KLF7: variants seen among roughly 807,000 people sequenced by gnomAD.
KLF7 encodes Krueppel-like factor 7.
KLF7 carries 2 observed loss-of-function variants against 27.3 expected under a neutral mutation model. The observed-to-expected ratio is 0.07, with a 90% CI of 0.03 to 0.23. The LOEUF (loss-of-function observed/expected upper bound fraction) is 0.23, where lower values mean the gene tolerates loss of function less well. Ranked by LOEUF, KLF7 falls within the 10% of genes least tolerant of loss-of-function variation. KLF7 has a pLI of 1.00. For synonymous variants in KLF7, 165 were observed against 162.4 expected, an observed-to-expected ratio of 1.02 and a Z score of -0.12; for missense variants, 221 against 394.1, an observed-to-expected ratio of 0.56 and a Z score of 3.72.
upstream of KLF7, among the ~76,000 whole-genome samples, chr2:207,169,154 T>C (rs960332335): frequency 6.6e-6 from 1 of 152,196 alleles, no homozygotes; most frequent in Non-Finnish European, 1.5e-5. Context: ...CTCCAAAATC[T>C]GTCTTCTCCA....
intron 1 of KLF7, among the ~76,000 whole-genome samples, chr2:207,145,893 G>T (rs1470615272): frequency 6.6e-6 from 1 of 152,170 alleles, no homozygotes; most frequent in South Asian, 2.1e-4. Flanking sequence ...GAAGGGTGGA[G>T]AAATTAAGTG....
At position 207,104,368 on chromosome 2, in the gene KLF7, G is replaced by A. The variant is rs1048119111; in HGVS notation, c.734-15787C>T. 5.9e-5 allele frequency among the ~76,000 whole-genome samples: 9 copies of A among 152,174 alleles called. No homozygotes were observed. The East Asian group carries it at 9.7e-4, about 16-fold the overall frequency. Reference sequence around the variant, plus strand: ...AGGGGAAAGGTACAAAATGTTATACGTAAACAAACTAGACAATACATGCAT... The same window carrying A: ...AGGGGAAAGGTACAAAATGTTATACATAAACAAACTAGACAATACATGCAT... On this transcript the variant is annotated intron_variant, in intron 2 of 3. Transcript: ENST00000309446.
chr2:207,139,030 T>C (rs1413742569), intron 1 of KLF7, among the ~76,000 whole-genome samples: 3 of 152,190 alleles, frequency 2.0e-5, no homozygotes, highest in Non-Finnish European at 2.9e-5. Flanking sequence ...AATGAGAGGA[T>C]CCTTTTTGCG....
intron 2 of KLF7, among the ~76,000 whole-genome samples, chr2:207,095,826 C>G (rs540984132): frequency 6.6e-6 from 1 of 152,114 alleles, no homozygotes; most frequent in Non-Finnish European, 1.5e-5. Flanking sequence ...TCACTAATAA[C>G]TGTTTAAATA....
intron 1 of KLF7, among the ~76,000 whole-genome samples, chr2:207,154,309 A>C (rs2078322511): frequency 6.6e-6 from 1 of 152,206 alleles, no homozygotes; most frequent in Non-Finnish European, 1.5e-5. Flanking sequence ...TCTTAAAAAA[A>C]ATAACTGCAT....
intron 1 of KLF7, among the ~76,000 whole-genome samples, chr2:207,140,197 A>G (rs1440278368): frequency 1.3e-5 from 2 of 152,146 alleles, no homozygotes; most frequent in African/African-American, 4.8e-5. Context: ...TGTTTTTTTA[A>G]GATTTGAATT....
At chr2:207,155,707 C>G (rs911145178) in intron 1 of KLF7, among the ~76,000 whole-genome samples, 4 of 152,184 alleles carry the variant, frequency 2.6e-5, no homozygotes, top group African/African-American at 9.7e-5. Context: ...TGACCTTAAG[C>G]AGCATCTCAT....
At chr2:207,166,955 C>CG, upstream of KLF7, 1 of 882,074 alleles carries the variant, frequency 1.1e-6, no homozygotes, top group Non-Finnish European at 1.4e-6. Flanking sequence ...CCGCCGCCGC[C>CG]CTCCCTCCCG....
intron 2 of KLF7, among the ~76,000 whole-genome samples, chr2:207,095,819 CTAA>C (rs1443221778): frequency 1.3e-5 from 2 of 152,040 alleles, no homozygotes; most frequent in African/African-American, 4.8e-5. Flanking sequence ...ATATTTCTCA[CTAA>C]TAACTGTTTA....
chr2:207,163,510 C>A (rs2078609292), intron 1 of KLF7, among the ~76,000 whole-genome samples: 1 of 152,198 alleles, frequency 6.6e-6, no homozygotes. Flanking sequence ...TGTTTCTTTG[C>A]AGATCTAGAG....
rs1439083399 is a variant in KLF7, at chr2:207,076,417, C to A, written c.*4796G>T. 1 of 152,118 alleles carries A rather than the reference C, an allele frequency of 6.6e-6. No individual in the cohort carries two copies. Among genetic ancestry groups the A allele is most frequent in the Non-Finnish European group, 1.5e-5 (1 of 68,030 alleles). The allele number at this position is 152,118 out of a possible 1,614,324, so 9.4% of individuals were successfully genotyped here. A position where few individuals can be genotyped will look rare whatever the true frequency, so the allele number is the denominator to read the frequency against. ...GTTTTTGACACCTGTTTCCCGAGGA[C>A]TTTTATGTTAAATGCAAAACACCTG... On this transcript the variant is annotated 3_prime_UTR_variant, in exon 4 of 4. Coordinates refer to ENST00000309446, the MANE Select transcript of KLF7 (RefSeq NM_003709.4).
At chr2:207,157,329 G>GT (rs1261601022) in intron 1 of KLF7, among the ~76,000 whole-genome samples, 1 of 151,822 alleles carries the variant, frequency 6.6e-6, no homozygotes, top group Non-Finnish European at 1.5e-5. Flanking sequence ...AGCAGTTACA[G>GT]TTGGCTGGTA....
At chr2:207,091,549 T>C (rs1005565563) in intron 2 of KLF7, among the ~76,000 whole-genome samples, 2 of 152,246 alleles carry the variant, frequency 1.3e-5, no homozygotes, top group African/African-American at 4.8e-5. Flanking sequence ...GCTAGTTTAC[T>C]GACAAGTTGC....
At chr2:207,115,564 G>A (rs1175745745) in intron 2 of KLF7, among the ~76,000 whole-genome samples, 1 of 152,174 alleles carries the variant, frequency 6.6e-6, no homozygotes, top group Non-Finnish European at 1.5e-5. Context: ...ATTATTTTAA[G>A]TGATCTTGCC....
At chr2:207,113,600 TGGGGGGTG>T (rs1418401294) in intron 2 of KLF7, among the ~76,000 whole-genome samples, 1 of 2,450 alleles carries the variant, frequency 4.1e-4, no homozygotes, top group Non-Finnish European at 7.6e-4. Context: ...CAAAGTGGAA[TGGGGGGTG>T]GGGGGGGGGG....
intron 1 of KLF7, among the ~76,000 whole-genome samples, chr2:207,141,362 T>G (rs2077938171): frequency 6.6e-6 from 1 of 152,320 alleles, no homozygotes; most frequent in African/African-American, 2.4e-5. Flanking sequence ...AGATGCTATT[T>G]CTGAGGATGC....
chr2:207,130,506 T>A (rs1464123096), intron 1 of KLF7, among the ~76,000 whole-genome samples: 1 of 152,216 alleles, frequency 6.6e-6, no homozygotes, highest in Non-Finnish European at 1.5e-5. Flanking sequence ...ACCTCTGTTT[T>A]CTCATATGGC....
chr2:207,124,308 G>C lies in KLF7; in HGVS notation c.199C>G (p.Pro67Ala), dbSNP rs781689074. Residue 67 changes from proline to alanine, a missense_variant, in exon 2 of 4, where the codon CCC (proline) becomes GCC (alanine). By Grantham distance (27) the Pro-to-Ala change is conservative. Transcript: ENST00000309446. The part of the protein sequence containing the change: ...DLDCFLHASP[P>A]PCIEESFRRL... ...CGGAAGCTTTCCTCAATGCACGGGG[G>C]AGGGGAAGCGTGGAGGAAACAGTCC... The C allele has an allele frequency of 4.3e-6, 7 of 1,613,446 alleles. No individual in the cohort carries two copies. In the South Asian group the frequency reaches 7.7e-5, roughly 18 times the overall value.
chr2:207,141,642 T>C (rs564074190), intron 1 of KLF7, among the ~76,000 whole-genome samples: 1 of 152,280 alleles, frequency 6.6e-6, no homozygotes, highest in East Asian at 1.9e-4. Context: ...GGGGTTTATG[T>C]GGAATCTCTC....
Sources: allele counts gnomAD v4.1 joint callset (sites outside exome capture counted in the v4.1 genomes callset), GRCh38; gene constraint gnomAD v4.1.1; transcripts MANE v1.5; gene names NCBI Gene and HGNC (gene_info 2026-07-23, HGNC 2026-07-21).